DYSF: variants seen among roughly 807,000 people sequenced by gnomAD.
The protein encoded by DYSF is dystrophy-associated fer-1-like 1.
Under a neutral mutation model 274.9 loss-of-function variants are expected in DYSF, and 212 were observed. That is an observed-to-expected ratio of 0.77 (90% CI 0.69 to 0.86). The LOEUF is 0.86. DYSF is among the 40% of genes least tolerant of loss of function. The pLI, the probability that DYSF is intolerant of heterozygous loss-of-function variation, is 0.00. For missense variants in DYSF, 2,666 were observed against 2,783.2 expected, an observed-to-expected ratio of 0.96 and a Z score of 0.95; for synonymous variants, 1,091 against 1,078.7, an observed-to-expected ratio of 1.01 and a Z score of -0.22.
chr2:71,567,519 G>A (rs1446539797), intron 24 of DYSF, among the ~76,000 whole-genome samples: 2 of 152,144 alleles, frequency 1.3e-5, no homozygotes, highest in African/African-American at 2.4e-5. Flanking sequence ...TCAAATGCTC[G>A]GTAGCTACAT....
intron 13 of DYSF, 119 bp downstream of exon 13, chr2:71,526,465 ACAAT>A (rs1160804396): frequency 1.4e-6 from 2 of 1,420,214 alleles, no homozygotes; most frequent in African/African-American, 2.9e-5. Flanking sequence ...GTCTAGGAAA[ACAAT>A]CAGAATTTAA....
intron 3 of DYSF, among the ~76,000 whole-genome samples, chr2:71,497,269 T>C (rs1344785453): frequency 6.6e-6 from 1 of 151,246 alleles, no homozygotes; most frequent in Non-Finnish European, 1.5e-5. Context: ...ATTCAGAGGC[T>C]AGAGTTTTTA....
At chr2:71,624,816 G>C (rs1022616411) in intron 41 of DYSF, among the ~76,000 whole-genome samples, 3 of 152,136 alleles carry the variant, frequency 2.0e-5, no homozygotes, top group Non-Finnish European at 4.4e-5. Context: ...AATTGTATAA[G>C]ATGCAACTGT....
intron 53 of DYSF, 108 bp from the exon 54 acceptor site, chr2:71,680,893 T>G (rs1357906055): frequency 1.1e-6 from 1 of 884,948 alleles, no homozygotes; most frequent in East Asian, 2.6e-5. Context: ...CCCTACATCT[T>G]TTTTTTTAAA....
intron 32 of DYSF, among the ~76,000 whole-genome samples, chr2:71,594,190 G>A (rs2093346777): frequency 6.6e-6 from 1 of 152,182 alleles, no homozygotes; most frequent in Non-Finnish European, 1.5e-5. Context: ...CCTGGGTGGT[G>A]CTGGGGATTT....
At chr2:71,588,353 G>A (rs150529907) in intron 30 of DYSF, among the ~76,000 whole-genome samples, 121 of 152,284 alleles carry the variant, frequency 7.9e-4, no homozygotes, top group Non-Finnish European at 1.5e-3. Context: ...GGGAGAACAG[G>A]TGTCTAGGGA....
intron 17 of DYSF, chr2:71,549,248 ATCTG>A: frequency 8.6e-7 from 1 of 1,160,160 alleles, no homozygotes; most frequent in South Asian, 1.3e-5. Context: ...CTGTCTTTCC[ATCTG>A]TCTGCCTGCC....
chr2:71,680,660 C>A (rs2095284676), intron 53 of DYSF, among the ~76,000 whole-genome samples: 1 of 152,130 alleles, frequency 6.6e-6, no homozygotes, highest in African/African-American at 2.4e-5. Context: ...TAGACAACTA[C>A]ATAGTGAAAT....
chr2:71,614,014 A>C (rs553345565), intron 40 of DYSF, among the ~76,000 whole-genome samples: 1 of 152,276 alleles, frequency 6.6e-6, no homozygotes, highest in African/African-American at 2.4e-5. Context: ...CTGCATACTC[A>C]GCAACTGAGG....
At chr2:71,641,959 C>T (rs1342774890) in intron 41 of DYSF, among the ~76,000 whole-genome samples, 1 of 151,966 alleles carries the variant, frequency 6.6e-6, no homozygotes, top group Non-Finnish European at 1.5e-5. Context: ...GAAGGTATAT[C>T]TTCTGTTTTT....
At chr2:71,502,242 C>CCAAT (rs1321933624) in intron 3 of DYSF, among the ~76,000 whole-genome samples, 1 of 151,980 alleles carries the variant, frequency 6.6e-6, no homozygotes, top group African/African-American at 2.4e-5. Flanking sequence ...AATCTATATT[C>CCAAT]CAATCAATAT....
chr2:71,582,099 T>C (rs1398575938), intron 30 of DYSF, among the ~76,000 whole-genome samples: 3 of 88,350 alleles, frequency 3.4e-5, no homozygotes, highest in African/African-American at 8.9e-5. Context: ...AGAAGGAGAC[T>C]CCGTCTCAAA....
chr2:71,465,104 G>A (rs2081446248), upstream of DYSF, among the ~76,000 whole-genome samples: 1 of 152,126 alleles, frequency 6.6e-6, no homozygotes, highest in Admixed American at 6.5e-5. Context: ...TGGGGTCAAC[G>A]GTGTGCTTTC....
At chr2:71,620,000 G>A (rs2094057002) in intron 40 of DYSF, among the ~76,000 whole-genome samples, 1 of 152,178 alleles carries the variant, frequency 6.6e-6, no homozygotes, top group Non-Finnish European at 1.5e-5. Flanking sequence ...GGGACTATAA[G>A]ACTCCTAAAG....
Position 71,664,377 on chromosome 2 carries a change from C to T in DYSF, c.5113C>T (p.Leu1705=), listed in dbSNP as rs940927932. Residue 1705 remains leucine, a synonymous_variant, in exon 46 of 56, where the codon CTG becomes TTG. Coordinates refer to ENST00000410020, the MANE Select transcript of DYSF (RefSeq NM_001130987.2). ...DEKIGETVVD[L]ENRLLSKFGA... The stretch of plus-strand genomic sequence containing the variant: ...AAAGATCGGTGAGACGGTCGTCGAC[C>T]TGGAGAACAGGCTGCTGTCCAAGTT... 4 of 1,614,190 alleles carry T rather than the reference C, an allele frequency of 2.5e-6. No homozygotes were observed. The highest frequency in any genetic ancestry group is 2.5e-6 in the Non-Finnish European group (3 of 1,180,030).
chr2:71,528,395 G>T lies in DYSF; in HGVS notation c.1374G>T (p.Gly458=), dbSNP rs771092045. The T allele has an allele frequency of 2.5e-6, 4 of 1,613,844 alleles. No homozygotes were observed. The highest frequency in any genetic ancestry group is 1.7e-5 in the Admixed American group (1 of 60,014). The change falls in exon 14 of 56, where the codon GGG becomes GGT. Residue 458 remains glycine, a synonymous_variant. Transcript: ENST00000410020. ...VDPFVEVSFA[G]KMLCSKILEK... is the part of the protein sequence containing the mutation. ...CCTTTGTGGAGGTCAGCTTTGCGGG[G>T]AAAATGGTAAGGAGCAAGGGAGCAG...
chr2:71,665,261 C>A lies in DYSF; in HGVS notation c.5274C>A (p.Asp1758Glu), dbSNP rs2094975606. Residue 1758 changes from aspartate to glutamate, a missense_variant, in exon 47 of 56, where the codon GAC (aspartate) becomes GAA (glutamate). Around this residue, in one of 3 missense-constraint regions of DYSF, gnomAD observed 1,460 missense variants for 1,502.1 expected, o/e 0.97. Coordinates refer to ENST00000410020, the MANE Select transcript of DYSF (RefSeq NM_001130987.2). ...HRVKAPVYRT[D>E]RVMFQDKEYS... The stretch of plus-strand genomic sequence containing the variant: ...TCAAGGCACCTGTGTACCGGACAGA[C>A]CGTGTAATGTTTCAGGATAAAGAAT... 1.9e-6 allele frequency: 3 copies of A among 1,614,194 alleles called. No homozygotes were observed. The highest frequency in any genetic ancestry group is 2.5e-6 in the Non-Finnish European group (3 of 1,180,030).
chr2:71,569,995 G>T, intron 27 of DYSF, 61 bp downstream of exon 27: 4 of 1,445,216 alleles, frequency 2.8e-6, no homozygotes, highest in African/African-American at 1.4e-5. Context: ...GGCACCTGGT[G>T]CTCAGGGACA....
At chr2:71,645,337 C>T (rs944848776) in intron 42 of DYSF, among the ~76,000 whole-genome samples, 2 of 152,036 alleles carry the variant, frequency 1.3e-5, no homozygotes, top group African/African-American at 2.4e-5. Context: ...CCTGGAGTCG[C>T]GCTGCTCAGT....
Sources: gnomAD v4.1 joint callset for allele counts (sites outside exome capture counted in the v4.1 genomes callset) on GRCh38, gnomAD v4.1.1 for gene constraint, gnomAD v4.1.1 regional missense constraint, MANE v1.5 for transcripts, NCBI Gene and HGNC (gene_info 2026-07-23, HGNC 2026-07-21) for gene names.